The following ADCYAP1R1 variants were observed in gnomAD, a reference collection of about 807,000 sequenced individuals.
ADCYAP1R1 encodes the protein ADCYAP receptor type I, also known as pituitary adenylate cyclase-activating polypeptide type I receptor.
In ADCYAP1R1, 44 loss-of-function variants were observed where a neutral mutation model predicts 67.6. The ratio of observed to expected loss-of-function variants is 0.65; its 90% CI spans 0.51 to 0.84. The LOEUF is 0.84. Among genes scored for constraint, ADCYAP1R1 ranks in the 40% least tolerant of loss-of-function variants. The pLI, the probability that ADCYAP1R1 is intolerant of heterozygous loss-of-function variation, is 0.00. For missense variants in ADCYAP1R1, 477 were observed against 587.9 expected (o/e 0.81, Z 1.95); for synonymous variants, 222 against 219.6 (o/e 1.01, Z -0.10).
At chr7:31,089,605 C>T (rs1795883737) in intron 12 of ADCYAP1R1, among the ~76,000 whole-genome samples, 1 of 152,084 alleles carries the variant, frequency 6.6e-6, no homozygotes, top group Admixed American at 6.5e-5. Context: ...TGAATACGTC[C>T]TTAGAATAAA....
chr7:31,106,820 A>G lies in ADCYAP1R1; in HGVS notation c.*136A>G. 2 of 1,087,178 alleles carry G rather than the reference A, an allele frequency of 1.8e-6. No individual in the cohort carries two copies. The highest frequency in any genetic ancestry group is 1.7e-5 in the South Asian group (1 of 59,144). 67.3% of individuals were successfully genotyped at this position (1,087,178 alleles called of 1,614,324 possible). ...GAAGCTTGGCTCCTGAGGGGGGAGA[A>G]GGAGGCAGGGCACAGACTGGAATTG... On this transcript the variant is annotated 3_prime_UTR_variant, in exon 16 of 16. Transcript: ENST00000304166.
chr7:31,072,029 A>G (rs1795014549), intron 3 of ADCYAP1R1, among the ~76,000 whole-genome samples: 1 of 82,264 alleles, frequency 1.2e-5, no homozygotes, highest in Admixed American at 1.6e-4. Context: ...CCACCCATCA[A>G]TCTACTTGTT....
At chr7:31,071,380 GC>G (rs1174467933) in intron 3 of ADCYAP1R1, among the ~76,000 whole-genome samples, 1 of 152,174 alleles carries the variant, frequency 6.6e-6, no homozygotes, top group Non-Finnish European at 1.5e-5. Context: ...CCACCCCTGG[GC>G]CTGAATTCCT....
chr7:31,095,144 A>G (rs1480063330), intron 13 of ADCYAP1R1, among the ~76,000 whole-genome samples: 4 of 152,190 alleles, frequency 2.6e-5, no homozygotes, highest in Admixed American at 1.3e-4. Context: ...GACCACATCC[A>G]TGCACATTTA....
At chr7:31,074,580 C>G (rs1795129073) in intron 3 of ADCYAP1R1, among the ~76,000 whole-genome samples, 1 of 152,216 alleles carries the variant, frequency 6.6e-6, no homozygotes, top group Admixed American at 6.5e-5. Context: ...TGTGCCTGAG[C>G]CTAATGTTCT....
rs909066615 is a variant in ADCYAP1R1, at chr7:31,110,521, T to C, written c.*3837T>C. ...CCATGGTGGGATCCAGTATGTTTTA[T>C]AAATCTGAATGAGTAAATGGCTCAC... On this transcript the variant is annotated 3_prime_UTR_variant, in exon 16 of 16. Transcript: ENST00000304166. 4.6e-5 allele frequency: 7 copies of C among 152,266 alleles called. No individual in the cohort carries two copies. The highest frequency in any genetic ancestry group is 3.9e-4 in the Admixed American group (6 of 15,286). The allele number at this position is 152,266 out of a possible 1,614,324, so 9.4% of individuals were successfully genotyped here. A position where few individuals can be genotyped will look rare whatever the true frequency, so the allele number is the denominator to read the frequency against.
rs1795743786 is a variant in ADCYAP1R1 at position 31,086,400 on chromosome 7, T to C, written c.686T>C (p.Val229Ala). 6.2e-7 allele frequency: 1 copy of C among 1,614,098 alleles called. No individual in the cohort carries two copies. The highest frequency in any genetic ancestry group is 8.5e-7 in the Non-Finnish European group (1 of 1,180,008). ...CFISTVECKA[V>A]MVFFHYCVVS... ...TCCCTGCAGGTGGAATGTAAGGCCG[T>C]CATGGTTTTCTTCCACTACTGTGTT... Residue 229 changes from valine to alanine, a missense_variant, in exon 10 of 16, where the codon GTC becomes GCC. Transcript: ENST00000304166. The surrounding 1 kb of genome is among the most constrained non-coding windows in gnomAD (Gnocchi z 5.0).
chr7:31,092,494 C>A, intron 12 of ADCYAP1R1, 150 bp from the exon 13 acceptor site: 1 of 657,260 alleles, frequency 1.5e-6, no homozygotes, highest in Non-Finnish European at 2.7e-6. Flanking sequence ...CTGTGGGAGG[C>A]TGGAGAGATA....
chr7:31,103,193 G>A, intron 13 of ADCYAP1R1, 44 bp from the exon 14 acceptor site: 1 of 1,603,460 alleles, frequency 6.2e-7, no homozygotes, highest in Non-Finnish European at 8.5e-7. Flanking sequence ...CTGGCCCCGA[G>A]CCCTGGAAGT....
intron 12 of ADCYAP1R1, among the ~76,000 whole-genome samples, chr7:31,089,874 T>C (rs554977108): frequency 2.0e-5 from 3 of 152,334 alleles, no homozygotes; most frequent in Admixed American, 6.5e-5. Context: ...ATTCTTTTAC[T>C]GTATTGCTAA....
chr7:31,068,963 G>A (rs2128619987), intron 3 of ADCYAP1R1, among the ~76,000 whole-genome samples: 1 of 152,254 alleles, frequency 6.6e-6, no homozygotes, highest in South Asian at 2.1e-4. Context: ...GTGAAAGATG[G>A]GCCTCTACCC....
intron 12 of ADCYAP1R1, among the ~76,000 whole-genome samples, chr7:31,088,503 G>A (rs1795841665): frequency 6.6e-6 from 1 of 152,084 alleles, no homozygotes; most frequent in African/African-American, 2.4e-5. Flanking sequence ...CACTTTTTGT[G>A]GACTATTACA....
At chr7:31,066,047 T>C (rs527925563) in intron 3 of ADCYAP1R1, among the ~76,000 whole-genome samples, 2 of 146,210 alleles carry the variant, frequency 1.4e-5, no homozygotes, top group East Asian at 4.2e-4. Flanking sequence ...GAACGTGGAT[T>C]CGGGGCCCCA....
chr7:31,070,863 T>G (rs758996), intron 3 of ADCYAP1R1, among the ~76,000 whole-genome samples: 110,295 of 152,144 alleles, frequency 0.72, 40,347 homozygotes, highest in East Asian at 0.83. Flanking sequence ...CCCAGGTGAT[T>G]TTGCCGGTCT....
At chr7:31,074,807 C>G (rs923396022) in intron 3 of ADCYAP1R1, among the ~76,000 whole-genome samples, 11 of 152,186 alleles carry the variant, frequency 7.2e-5, no homozygotes, top group African/African-American at 2.7e-4. Context: ...GACCTGATAC[C>G]CAGCTCCCCT....
At chr7:31,093,554 G>A (rs1431661831) in intron 13 of ADCYAP1R1, among the ~76,000 whole-genome samples, 1 of 152,100 alleles carries the variant, frequency 6.6e-6, no homozygotes, top group African/African-American at 2.4e-5. Context: ...TGTGGGGTAT[G>A]AGGACATTTC....
chr7:31,056,363 G>A (rs1584468656), intron 1 of ADCYAP1R1, among the ~76,000 whole-genome samples: 1 of 152,110 alleles, frequency 6.6e-6, no homozygotes, highest in Admixed American at 6.5e-5. Context: ...TGATCGATGG[G>A]CACTGCAGAG....
intron 4 of ADCYAP1R1, 85 bp downstream of exon 4, chr7:31,078,183 GC>G: frequency 9.2e-7 from 1 of 1,081,224 alleles, no homozygotes; most frequent in Non-Finnish European, 1.3e-6. Context: ...GGACAGGGAG[GC>G]CACCCTGTGG....
chr7:31,103,429 A>G, intron 14 of ADCYAP1R1, 63 bp downstream of exon 14: 1 of 1,609,248 alleles, frequency 6.2e-7, no homozygotes, highest in Non-Finnish European at 8.5e-7. Flanking sequence ...GCTCACCTGC[A>G]AGTGGTGCTG....
Sources: allele counts gnomAD v4.1 joint callset (sites outside exome capture counted in the v4.1 genomes callset), GRCh38; gene constraint gnomAD v4.1.1; non-coding constraint Gnocchi (gnomAD v3.1); transcripts MANE v1.5; gene names NCBI Gene and HGNC (gene_info 2026-07-23, HGNC 2026-07-21).